The following INKA2 variants were observed in gnomAD, a reference collection of about 807,000 sequenced individuals.
INKA2 encodes the protein PAK4-inhibitor INKA2.
A neutral mutation model predicts 9.8 loss-of-function variants in INKA2; 3 were observed. The observed-to-expected ratio is 0.31, with a 90% CI of 0.14 to 0.79. INKA2 has a LOEUF of 0.79. INKA2 is among the 30% of genes least tolerant of loss of function. The probability of loss-of-function intolerance (pLI) is 0.62; values close to 1 mark genes in which losing one functional copy is unlikely to be tolerated. For synonymous variants in INKA2, 147 were observed against 143.3 expected (o/e 1.03, Z -0.18); for missense variants, 392 against 384.4 (o/e 1.02, Z -0.17).
intron 1 of INKA2, among the ~76,000 whole-genome samples, chr1:111,734,393 CCTT>C (rs1330916126): frequency 9.2e-5 from 14 of 151,806 alleles, no homozygotes; most frequent in Admixed American, 9.2e-4. Flanking sequence ...CAAGAAGTTA[CCTT>C]CTTTTTTTTT....
intron 1 of INKA2, chr1:111,747,748 A>C (rs575147731): frequency 1.3e-5 from 2 of 152,362 alleles, no homozygotes; most frequent in South Asian, 4.1e-4. Flanking sequence ...GTCAATAAAC[A>C]CAACATTGAA....
chr1:111,730,637 C>T (rs748795871), intron 1 of INKA2, among the ~76,000 whole-genome samples: 15 of 152,204 alleles, frequency 9.9e-5, no homozygotes, highest in Non-Finnish European at 1.8e-4. Context: ...GACGTACCCC[C>T]CATGCTCCTG....
At chr1:111,737,019 G>A (rs952161921) in intron 1 of INKA2, among the ~76,000 whole-genome samples, 2 of 152,026 alleles carry the variant, frequency 1.3e-5, no homozygotes, top group Non-Finnish European at 2.9e-5. Context: ...GCTCTGTCTC[G>A]TCTCTGAGCA....
chr1:111,752,194 G>A (rs1663426423), intron 1 of INKA2, among the ~76,000 whole-genome samples: 1 of 152,190 alleles, frequency 6.6e-6, no homozygotes, highest in South Asian at 2.1e-4. Flanking sequence ...GTGGATCAGG[G>A]CTGTTTATCA....
At chr1:111,730,513 CA>C (rs748701241) in intron 1 of INKA2, among the ~76,000 whole-genome samples, 8 of 152,338 alleles carry the variant, frequency 5.3e-5, no homozygotes, top group Non-Finnish European at 1.2e-4. Flanking sequence ...CACCTCCTGT[CA>C]TCTCCGTGGC....
Position 111,723,360 on chromosome 1 carries a change from A to G in INKA2, c.*3608T>C, listed in dbSNP as rs1662691338. ...GGCACAAGGGAAGTGTCTGAGGGAG[A>G]GGGAAAAGAGAGGTCCCAAGTCTGA... On this transcript the variant is annotated 3_prime_UTR_variant, in exon 2 of 2. Transcript: ENST00000357260. The G allele has an allele frequency of 2.2e-6, 1 of 455,818 alleles. No individual in the cohort carries two copies. The highest frequency in any genetic ancestry group is 4.0e-5 in the Admixed American group (1 of 24,790). The allele number at this position is 455,818 out of a possible 1,614,324, so 28.2% of individuals were successfully genotyped here. A position where few individuals can be genotyped will look rare whatever the true frequency, so the allele number is the denominator to read the frequency against.
chr1:111,736,998 T>C (rs1450247557), intron 1 of INKA2, among the ~76,000 whole-genome samples: 2 of 152,184 alleles, frequency 1.3e-5, no homozygotes, highest in African/African-American at 4.8e-5. Flanking sequence ...ACTAGCTCTG[T>C]CTGTCCTTCT....
At chr1:111,739,085 C>G (rs1663077161) in intron 1 of INKA2, 101 bp downstream of exon 1, 1 of 1,178,486 alleles carries the variant, frequency 8.5e-7, no homozygotes, top group Admixed American at 1.9e-5. Context: ...TGGCCCTCCT[C>G]CGCCCTGCTT....
intron 1 of INKA2, among the ~76,000 whole-genome samples, chr1:111,729,413 C>G (rs772737603): frequency 2.0e-5 from 3 of 152,380 alleles, no homozygotes; most frequent in Non-Finnish European, 2.9e-5. Context: ...GGGGCCAATT[C>G]TCCCAGCCCC....
chr1:111,745,039 G>A (rs1396479365), intron 1 of INKA2, among the ~76,000 whole-genome samples: 1 of 151,720 alleles, frequency 6.6e-6, no homozygotes, highest in African/African-American at 2.4e-5. Flanking sequence ...TATCTCATCT[G>A]AACAGTTTTC....
At chr1:111,737,811 C>G (rs1394537154) in intron 1 of INKA2, among the ~76,000 whole-genome samples, 2 of 152,184 alleles carry the variant, frequency 1.3e-5, no homozygotes, top group African/African-American at 4.8e-5. Flanking sequence ...GAGAAATGAT[C>G]GTTGATGTGA....
rs1224882704 is a variant in INKA2 at position 111,739,290 on chromosome 1, C to A, written c.-48G>T. The A allele has an allele frequency of 6.2e-7, 1 of 1,610,816 alleles. No individual in the cohort carries two copies. The highest frequency in any genetic ancestry group is 8.5e-7 in the Non-Finnish European group (1 of 1,178,530). Reference sequence around the variant, plus strand: ...TCAAACAGAGAGGGCCCGGGTGAAACCCCGGCCCCACTGGAAACTGCGCTC... The same window carrying A: ...TCAAACAGAGAGGGCCCGGGTGAAAACCCGGCCCCACTGGAAACTGCGCTC... On this transcript the variant is annotated 5_prime_UTR_variant, in exon 1 of 2. Transcript: ENST00000357260.
rs958977781 is a variant in INKA2, at chr1:111,725,294, G to C, written c.*1674C>G. 6.6e-6 allele frequency: 1 copy of C among 152,310 alleles called. No individual in the cohort carries two copies. Among genetic ancestry groups the C allele is most frequent in the African/African-American group, 2.4e-5 (1 of 41,452 alleles). 9.4% of individuals were successfully genotyped at this position (152,310 alleles called of 1,614,324 possible). A position where few individuals can be genotyped will look rare whatever the true frequency, so the allele number is the denominator to read the frequency against. On this transcript the variant is annotated 3_prime_UTR_variant, in exon 2 of 2. Coordinates refer to ENST00000357260, the MANE Select transcript of INKA2 (RefSeq NM_019099.5). ...GGGACAATCAGTGGGAGGCAGAGAG[G>C]GGCAGTGGGAGGGTGTGCCCTCCTG...
intron 1 of INKA2, among the ~76,000 whole-genome samples, chr1:111,729,825 C>T (rs1662866125): frequency 6.6e-6 from 1 of 152,244 alleles, no homozygotes; most frequent in African/African-American, 2.4e-5. Flanking sequence ...CCTGCCAACC[C>T]TGGCCCTGGG....
At chr1:111,755,706 G>C (rs1663526972) in exon 1 of INKA2, 1 of 1,613,758 alleles carries the variant, frequency 6.2e-7, no homozygotes, top group African/African-American at 1.3e-5. Context: ...CTCACCAGTT[G>C]CCTCATCTTT....
intron 1 of INKA2, chr1:111,755,473 G>A (rs1040326870): frequency 5.3e-6 from 3 of 570,262 alleles, no homozygotes; most frequent in Admixed American, 3.4e-5. Flanking sequence ...GGTACGGAGC[G>A]GGTAGCGTTG....
intron 1 of INKA2, among the ~76,000 whole-genome samples, chr1:111,731,621 G>A (rs1276898173): frequency 2.0e-5 from 3 of 152,128 alleles, no homozygotes; most frequent in Non-Finnish European, 4.4e-5. Flanking sequence ...CAAAGTGCTC[G>A]GCTAACAGGC....
At position 111,728,056 on chromosome 1, in the gene INKA2, C is replaced by CACACACACACACAT. The variant is rs1193303642; in HGVS notation, c.58-253_58-252insATGTGTGTGTGTGT. Among the ~76,000 whole-genome samples the CACACACACACACAT allele has an allele frequency of 3.3e-5, 5 of 151,502 alleles. 1 individual carries two copies. Among genetic ancestry groups the CACACACACACACAT allele is most frequent in the African/African-American group, 9.7e-5 (4 of 41,162 alleles). On this transcript the variant is annotated intron_variant, in intron 1 of 1. Coordinates refer to ENST00000357260, the MANE Select transcript of INKA2 (RefSeq NM_019099.5). ...CACCCCATACACACACACACACACACACACACACACACACACAGACATTTC... is the reference window on the plus strand; with the variant it reads ...CACCCCATACACACACACACACACACACACACACACACATACACACACACACACACAGACATTTC...
chr1:111,723,165 C>T lies in INKA2; in HGVS notation c.*3803G>A. On this transcript the variant is annotated 3_prime_UTR_variant, in exon 2 of 2. Transcript: ENST00000357260. Reference sequence around the variant, plus strand: ...CTGGCTGCTCTGGAGAAGGTGGGGACAAGGTGTGCTCTTGCTCTTGTCCAG... The same window carrying T: ...CTGGCTGCTCTGGAGAAGGTGGGGATAAGGTGTGCTCTTGCTCTTGTCCAG... 1 of 682,896 alleles carries T rather than the reference C, an allele frequency of 1.5e-6. No individual in the cohort carries two copies. The highest frequency in any genetic ancestry group is 1.5e-5 in the South Asian group (1 of 64,864). 42.3% of individuals were successfully genotyped at this position (682,896 alleles called of 1,614,324 possible).
Sources: allele counts gnomAD v4.1 joint callset (sites outside exome capture counted in the v4.1 genomes callset), GRCh38; gene constraint gnomAD v4.1.1; transcripts MANE v1.5; gene names NCBI Gene and HGNC (gene_info 2026-07-23, HGNC 2026-07-21).